KIF24: variants seen among roughly 807,000 people sequenced by gnomAD.
The protein encoded by KIF24 is kinesin-like protein KIF24.
KIF24 carries 81 observed loss-of-function variants against 118.9 expected under a neutral mutation model. The ratio of observed to expected loss-of-function variants is 0.68; its 90% CI spans 0.57 to 0.82. The LOEUF is 0.82. Ranked by LOEUF, KIF24 falls within the 40% of genes least tolerant of loss-of-function variation. The pLI is 0.00. For missense variants in KIF24, 1,560 were observed against 1,661.6 expected (o/e 0.94, Z 1.06); for synonymous variants, 599 against 610.0 (o/e 0.98, Z 0.27).
intron 3 of KIF24, among the ~76,000 whole-genome samples, chr9:34,298,416 G>A (rs1004416469): frequency 5.8e-4 from 88 of 151,968 alleles, no homozygotes; most frequent in African/African-American, 2.0e-3. Context: ...CGTGGTGGTG[G>A]GCGCCTGTAA....
intron 3 of KIF24, among the ~76,000 whole-genome samples, chr9:34,297,344 T>C (rs1269929410): frequency 6.6e-6 from 1 of 152,254 alleles, no homozygotes; most frequent in Non-Finnish European, 1.5e-5. Context: ...ATTTTTTGTT[T>C]TCTCTTAAGA....
In KIF24 at chr9:34,290,277, T is replaced by TG. The variant is rs778318002; in HGVS notation, c.1023dup (p.Arg342GlnfsTer20). On this transcript the variant is annotated frameshift_variant, in exon 5 of 13. Coordinates refer to ENST00000402558, the MANE Select transcript of KIF24 (RefSeq NM_194313.4). LOFTEE classifies it high-confidence loss of function. ...CTTGGCTGGGACACTTCTAGTTGCC[T>TG]GAAGATATCTTTGGCAGCTAGAGCA... The TG allele has an allele frequency of 6.2e-7, 1 of 1,613,574 alleles. No individual in the cohort carries two copies. The highest frequency in any genetic ancestry group is 1.1e-5 in the South Asian group (1 of 91,072).
intron 1 of KIF24, among the ~76,000 whole-genome samples, chr9:34,320,430 A>C (rs577807116): frequency 6.6e-6 from 1 of 151,620 alleles, no homozygotes; most frequent in African/African-American, 2.4e-5. Context: ...AGCAGAGGCA[A>C]GCGGATCACC....
chr9:34,309,876 A>G (rs1563960039), intron 2 of KIF24, among the ~76,000 whole-genome samples: 1 of 152,276 alleles, frequency 6.6e-6, no homozygotes, highest in East Asian at 1.9e-4. Flanking sequence ...TAAGGTATGA[A>G]TAACAGTATT....
intron 6 of KIF24, among the ~76,000 whole-genome samples, chr9:34,279,488 C>T (rs115408247): frequency 1.3e-5 from 2 of 152,338 alleles, no homozygotes; most frequent in African/African-American, 4.8e-5. Context: ...GACAAAATCT[C>T]GATTCCAAAT....
intron 1 of KIF24, among the ~76,000 whole-genome samples, chr9:34,315,972 T>A (rs1465849015): frequency 2.0e-5 from 3 of 150,666 alleles, no homozygotes; most frequent in Non-Finnish European, 4.4e-5. Flanking sequence ...GAGGGTGCAG[T>A]GAGCTGAGAT....
intron 6 of KIF24, among the ~76,000 whole-genome samples, chr9:34,282,961 A>G (rs997489369): frequency 1.3e-5 from 2 of 148,514 alleles, no homozygotes; most frequent in Non-Finnish European, 3.0e-5. Context: ...TTGAGGCAGG[A>G]GAATCACATG....
chr9:34,281,939 T>C (rs1473718625), intron 6 of KIF24, among the ~76,000 whole-genome samples: 2 of 152,180 alleles, frequency 1.3e-5, no homozygotes, highest in Non-Finnish European at 2.9e-5. Context: ...CCCATCCTCA[T>C]ACTGCTGGTG....
In KIF24 at chr9:34,327,891, C is replaced by T. The variant is rs187805892; in HGVS notation, c.-26+1215G>A. On this transcript the variant is annotated intron_variant, in intron 1 of 12. Coordinates refer to ENST00000402558, the MANE Select transcript of KIF24 (RefSeq NM_194313.4). The stretch of plus-strand genomic sequence containing the variant: ...GGACTAAATGACTTGCAAAGCCACC[C>T]ACAGTGAATTAGAGACAGAGACAGA... Among the ~76,000 whole-genome samples, 29 of 151,416 alleles carry T rather than the reference C, an allele frequency of 1.9e-4. 1 individual carries two copies. In the East Asian group the frequency reaches 5.4e-3, roughly 28 times the overall value.
Position 34,252,734 on chromosome 9 carries a change from G to A in KIF24, c.*1646C>T, listed in dbSNP as rs549890454. ...GACTGAGTCTTTTAAACCTGGCCCAGCTCCGTCTGTGGACCAAGGACGTAG... is the reference window on the plus strand; with the variant it reads ...GACTGAGTCTTTTAAACCTGGCCCAACTCCGTCTGTGGACCAAGGACGTAG... On this transcript the variant is annotated 3_prime_UTR_variant, in exon 13 of 13. Coordinates refer to ENST00000402558, the MANE Select transcript of KIF24 (RefSeq NM_194313.4). The A allele has an allele frequency of 1.3e-5, 2 of 152,302 alleles. No individual in the cohort carries two copies. The highest frequency in any genetic ancestry group is 2.1e-4 in the South Asian group (1 of 4,826). The allele number at this position is 152,302 out of a possible 1,614,324, so 9.4% of individuals were successfully genotyped here.
At chr9:34,272,173 T>G (rs1421647786) in intron 6 of KIF24, among the ~76,000 whole-genome samples, 2 of 152,222 alleles carry the variant, frequency 1.3e-5, no homozygotes, top group African/African-American at 4.8e-5. Flanking sequence ...GCTAATTTAC[T>G]TCTTGATCTC....
intron 7 of KIF24, 26 bp downstream of exon 7, chr9:34,271,783 G>A (rs1409195391): frequency 6.2e-7 from 1 of 1,611,182 alleles, no homozygotes; most frequent in Non-Finnish European, 8.5e-7. Context: ...GGCAGACAAT[G>A]TAACTCCCTG....
intron 3 of KIF24, among the ~76,000 whole-genome samples, chr9:34,303,684 A>G (rs866120826): frequency 6.6e-5 from 10 of 151,834 alleles, no homozygotes; most frequent in African/African-American, 2.2e-4. Flanking sequence ...CCTCATCTCT[A>G]CAAAAAATAC....
intron 6 of KIF24, among the ~76,000 whole-genome samples, chr9:34,283,600 A>G (rs1009270436): frequency 4.6e-5 from 7 of 152,212 alleles, no homozygotes; most frequent in East Asian, 1.9e-4. Context: ...ATTAAAAGAC[A>G]TTATGATGAA....
intron 4 of KIF24, among the ~76,000 whole-genome samples, chr9:34,295,683 T>TATAAA (rs1007557025): frequency 1.3e-5 from 2 of 151,414 alleles, no homozygotes; most frequent in Non-Finnish European, 2.9e-5. Context: ...GTCTCAAAAA[T>TATAAA]ATAAAATAAA....
intron 1 of KIF24, chr9:34,319,744 C>T (rs1010053570): frequency 3.1e-6 from 2 of 637,948 alleles, no homozygotes; most frequent in African/African-American, 3.6e-5. Flanking sequence ...GGTGAGGTAC[C>T]AGCTTGGATA....
chr9:34,256,088 A>C lies in KIF24; in HGVS notation c.3519T>G (p.Asp1173Glu), dbSNP rs749419731. ...CCAGCCCCGTCTCCTCTGCATCAGC[A>C]TCATACTGCTCACTACCCATGTGTT... ...SHEHMGSEQY[D>E]ADAEETGLDG... is the part of the protein sequence containing the mutation. The change falls in exon 11 of 13, where the codon GAT becomes GAG. Residue 1173 changes from aspartate to glutamate, a missense_variant. By Grantham distance (45) the Asp-to-Glu change is conservative. Coordinates refer to ENST00000402558, the MANE Select transcript of KIF24 (RefSeq NM_194313.4). 1 of 1,613,886 alleles carries C rather than the reference A, an allele frequency of 6.2e-7. No homozygotes were observed. Among genetic ancestry groups the C allele is most frequent in the South Asian group, 1.1e-5 (1 of 91,076 alleles).
chr9:34,330,904 A>T (rs1231274209), upstream of KIF24, among the ~76,000 whole-genome samples: 2 of 151,560 alleles, frequency 1.3e-5, no homozygotes, highest in Non-Finnish European at 2.9e-5. Flanking sequence ...GAGTTTGCAG[A>T]GAGCAGAGAT....
rs1009441941 is a variant in KIF24 at position 34,255,808 on chromosome 9, T to C, written c.3799A>G (p.Ser1267Gly). 5 of 1,613,944 alleles carry C rather than the reference T, an allele frequency of 3.1e-6. No homozygotes were observed. The highest frequency in any genetic ancestry group is 2.2e-5 in the East Asian group (1 of 44,880). The change falls in exon 11 of 13, where the codon AGT (serine) becomes GGT (glycine). Residue 1267 changes from serine (S) to glycine (G), a missense_variant. This residue lies in a region of KIF24 where 591 missense variants were observed against 655.6 expected (regional missense o/e 0.90). Coordinates refer to ENST00000402558, the MANE Select transcript of KIF24 (RefSeq NM_194313.4). Reference protein sequence around the residue: ...RPISRCLARPSSPLVPSCSPK... With the variant: ...RPISRCLARPGSPLVPSCSPK... ...GAGCAGCTGGGAACCAAGGGAGAAC[T>C]TGGCCTTGCTAAGCACCTTGAGATC... is the stretch of plus-strand genomic sequence containing the variant.
Sources: allele counts gnomAD v4.1 joint callset (sites outside exome capture counted in the v4.1 genomes callset), GRCh38; gene constraint gnomAD v4.1.1; regional missense constraint gnomAD v4.1.1; transcripts MANE v1.5; gene names NCBI Gene and HGNC (gene_info 2026-07-23, HGNC 2026-07-21).